Variants in ZFHX3 observed in about 807,000 individuals in gnomAD.
The protein encoded by ZFHX3 is zinc finger homeobox protein 3.
ZFHX3 carries 42 observed loss-of-function variants against 279.1 expected under a neutral mutation model. The ratio of observed to expected loss-of-function variants is 0.15; its 90% confidence interval spans 0.12 to 0.19. The LOEUF (loss-of-function observed/expected upper bound fraction) is 0.19. Among genes scored for constraint, ZFHX3 ranks in the 10% least tolerant of loss-of-function variants. ZFHX3 has a pLI of 1.00. For synonymous variants in ZFHX3, 2,293 were observed against 1,957.8 expected (o/e 1.17, Z -4.52); for missense variants, 4,981 against 4,754.0 (o/e 1.05, Z -1.40).
intron 2 of ZFHX3, among the ~76,000 whole-genome samples, chr16:73,580,959 T>C (rs2051855179): frequency 6.6e-6 from 1 of 151,854 alleles, no homozygotes; most frequent in African/African-American, 2.4e-5. Flanking sequence ...CAGTCAGCCT[T>C]TTCAGAAGCC....
At chr16:72,948,560 C>T (rs970473976) in intron 3 of ZFHX3, among the ~76,000 whole-genome samples, 2 of 152,108 alleles carry the variant, frequency 1.3e-5, no homozygotes, top group Admixed American at 1.3e-4. Context: ...GTTCCAGGCC[C>T]GTAAGAAGCA....
At chr16:73,326,468 C>T (rs985101531) in intron 3 of ZFHX3, among the ~76,000 whole-genome samples, 4 of 152,094 alleles carry the variant, frequency 2.6e-5, no homozygotes, top group African/African-American at 4.8e-5. Context: ...ACAAAGAGGA[C>T]GAACCTTAAA....
intron 1 of ZFHX3, among the ~76,000 whole-genome samples, chr16:73,005,400 C>G (rs960457060): frequency 6.6e-6 from 1 of 152,262 alleles, no homozygotes; most frequent in South Asian, 2.1e-4. Flanking sequence ...GAGACTGAGG[C>G]AGGAGAACTG....
chr16:73,556,662 CA>C (rs970488877), intron 2 of ZFHX3, among the ~76,000 whole-genome samples: 3 of 151,782 alleles, frequency 2.0e-5, no homozygotes, highest in African/African-American at 7.3e-5. Flanking sequence ...ACAGGGGGAC[CA>C]AAGGAAGGAG....
intron 3 of ZFHX3, among the ~76,000 whole-genome samples, chr16:73,367,879 T>C (rs1217694105): frequency 6.6e-6 from 1 of 151,046 alleles, no homozygotes; most frequent in Non-Finnish European, 1.5e-5. Flanking sequence ...TTTTTTTTTT[T>C]TTTTTTTGAG....
At chr16:73,669,305 T>C (rs1047819336) in intron 2 of ZFHX3, among the ~76,000 whole-genome samples, 3 of 152,146 alleles carry the variant, frequency 2.0e-5, no homozygotes, top group Non-Finnish European at 4.4e-5. Context: ...CCACCCGCCT[T>C]GGCCTCCCAA....
intron 5 of ZFHX3, among the ~76,000 whole-genome samples, chr16:73,156,871 G>A (rs552384388): frequency 3.9e-5 from 6 of 152,146 alleles, no homozygotes; most frequent in African/African-American, 9.6e-5. Flanking sequence ...GTGCCGCCAC[G>A]CCCAGCTAAT....
chr16:72,989,148 T>C (rs1335574923), intron 1 of ZFHX3, among the ~76,000 whole-genome samples: 1 of 149,780 alleles, frequency 6.7e-6, no homozygotes, highest in African/African-American at 2.5e-5. Context: ...ACTCTTGGCC[T>C]GGGCAAGACA....
At chr16:73,647,114 G>A (rs1234444282) in intron 2 of ZFHX3, among the ~76,000 whole-genome samples, 1 of 149,790 alleles carries the variant, frequency 6.7e-6, no homozygotes, top group Non-Finnish European at 1.5e-5. Context: ...CCAGGTTTAC[G>A]CCATTCTCCT....
intron 1 of ZFHX3, among the ~76,000 whole-genome samples, chr16:73,738,748 C>T (rs6564510): frequency 6.6e-5 from 10 of 152,288 alleles, no homozygotes; most frequent in East Asian, 1.9e-4. Flanking sequence ...GGAATTCACA[C>T]GGCTCCAGTC....
intron 3 of ZFHX3, among the ~76,000 whole-genome samples, chr16:73,432,796 C>G (rs1401248300): frequency 6.6e-6 from 1 of 151,944 alleles, no homozygotes; most frequent in Non-Finnish European, 1.5e-5. Context: ...TCTTTTTTTT[C>G]TACCTTGGGC....
At chr16:73,351,075 G>A (rs540586224) in intron 3 of ZFHX3, among the ~76,000 whole-genome samples, 6 of 152,294 alleles carry the variant, frequency 3.9e-5, no homozygotes, top group East Asian at 1.9e-4. Flanking sequence ...CCAAGAATAC[G>A]TAAGGATGGC....
chr16:73,677,040 A>G (rs1292389597), intron 2 of ZFHX3, among the ~76,000 whole-genome samples: 3 of 152,020 alleles, frequency 2.0e-5, no homozygotes, highest in Non-Finnish European at 4.4e-5. Flanking sequence ...AAAGAAGACC[A>G]AAGGATACAG....
At chr16:73,267,639 T>C (rs2014014749) in intron 4 of ZFHX3, among the ~76,000 whole-genome samples, 1 of 152,164 alleles carries the variant, frequency 6.6e-6, no homozygotes. Flanking sequence ...CTTTGCATTC[T>C]GTGACCCCTC....
intron 1 of ZFHX3, among the ~76,000 whole-genome samples, chr16:73,834,431 C>G (rs758999815): frequency 2.6e-5 from 4 of 152,190 alleles, no homozygotes; most frequent in Non-Finnish European, 5.9e-5. Context: ...ATGAAGTGTT[C>G]TTGGAGGGAT....
chr16:73,022,757 G>T (rs777970513), intron 1 of ZFHX3, among the ~76,000 whole-genome samples: 54 of 152,268 alleles, frequency 3.5e-4, no homozygotes, highest in Admixed American at 2.2e-3. Flanking sequence ...GTAAGAGCTG[G>T]TAAGCAACAG....
At chr16:73,292,712 G>A (rs2014804615) in intron 4 of ZFHX3, among the ~76,000 whole-genome samples, 1 of 152,146 alleles carries the variant, frequency 6.6e-6, no homozygotes, top group African/African-American at 2.4e-5. Flanking sequence ...CTCAGGGGGT[G>A]CATAAGAAGG....
chr16:73,548,551 C>T (rs1447773942), intron 2 of ZFHX3, among the ~76,000 whole-genome samples: 1 of 150,982 alleles, frequency 6.6e-6, no homozygotes, highest in Non-Finnish European at 1.5e-5. Flanking sequence ...TATTAATGCT[C>T]GTATACAAAG....
rs573637395 is a variant in ZFHX3 at position 73,531,497 on chromosome 16, C to A, written c.-1546-75239G>T. Among the ~76,000 whole-genome samples the A allele has an allele frequency of 2.2e-4, 34 of 151,982 alleles. 1 individual carries two copies. The highest frequency in any genetic ancestry group is 2.0e-3 in the Admixed American group (30 of 15,266). ...TAGGAGGATGAGGTGGGGGGACTGC[C>A]TGAGCTCAGGAGTTCAAGACCAGCC... On this transcript the variant is annotated intron_variant, in intron 2 of 17. Transcript: ENST00000641206.
Sources: gnomAD v4.1 joint callset for allele counts (sites outside exome capture counted in the v4.1 genomes callset) on GRCh38, gnomAD v4.1.1 for gene constraint, MANE v1.5 for transcripts, NCBI Gene and HGNC (gene_info 2026-07-23, HGNC 2026-07-21) for gene names.